Variants in FAM133B observed in about 807,000 individuals in gnomAD.
The protein encoded by FAM133B is protein FAM133B.
Under a neutral mutation model 46.4 loss-of-function variants are expected in FAM133B, and 25 were observed. The observed-to-expected ratio is 0.54, with a 90% CI of 0.39 to 0.75. The LOEUF is 0.75. Among genes scored for constraint, FAM133B ranks in the 30% least tolerant of loss-of-function variants. The pLI is 0.00. For synonymous variants in FAM133B, 75 were observed against 86.0 expected, an observed-to-expected ratio of 0.87 and a Z score of 0.71; for missense variants, 205 against 277.6, an observed-to-expected ratio of 0.74 and a Z score of 1.86.
At position 92,565,324 on chromosome 7, in the gene FAM133B, A is replaced by AT. The variant is rs1361599092; in HGVS notation, c.657+689dup. On this transcript the variant is annotated intron_variant, in intron 10 of 10. Coordinates refer to ENST00000445716, the MANE Select transcript of FAM133B (RefSeq NM_152789.4). ...GCCACCACGCCCGGCTAATTTTTGT[A>AT]TTTTTTTTTTTAGTAGAGACGGGGT... Among the ~76,000 whole-genome samples the AT allele has an allele frequency of 1.5e-3, 195 of 127,720 alleles. 2 individuals carry two copies. The highest frequency in any genetic ancestry group is 3.7e-3 in the African/African-American group (128 of 34,258). 83.8% of individuals were successfully genotyped at this position (127,720 alleles called of 152,430 possible).
intron 1 of FAM133B, among the ~76,000 whole-genome samples, chr7:92,582,641 C>T (rs1173715553): frequency 6.6e-6 from 1 of 151,562 alleles, no homozygotes; most frequent in African/African-American, 2.4e-5. Flanking sequence ...AACTTAACAA[C>T]AACAAAAAAA....
Position 92,562,008 on chromosome 7 carries a change from T to C in FAM133B, c.*274A>G. 4.0e-6 allele frequency: 1 copy of C among 249,506 alleles called. No homozygotes were observed. Among genetic ancestry groups the C allele is most frequent in the South Asian group, 8.0e-5 (1 of 12,444 alleles). 15.5% of individuals were successfully genotyped at this position (249,506 alleles called of 1,614,324 possible). ...AGACGCTTCTAGTCAAAAGTATTAA[T>C]TTTATTCCCAAATATCTTAACCACT... On this transcript the variant is annotated 3_prime_UTR_variant, in exon 11 of 11. Transcript: ENST00000445716.
intron 2 of FAM133B, among the ~76,000 whole-genome samples, chr7:92,581,095 ATCAG>A (rs1275035018): frequency 6.6e-6 from 1 of 152,262 alleles, no homozygotes; most frequent in East Asian, 1.9e-4. Flanking sequence ...ATTTACAAAA[ATCAG>A]TCAGTTTTTC....
At position 92,579,498 on chromosome 7, in the gene FAM133B, T is replaced by C. The variant is rs1039677832; in HGVS notation, c.123-103A>G. ...TCATAAACTCTTCTAAATATTCTAA[T>C]AGACTTCTATTCAATGTTGGTAACA... is the stretch of plus-strand genomic sequence containing the variant. On this transcript the variant is annotated intron_variant, in intron 2 of 10. Coordinates refer to ENST00000445716, the MANE Select transcript of FAM133B (RefSeq NM_152789.4). 2.0e-5 allele frequency: 15 copies of C among 735,098 alleles called. No homozygotes were observed. The East Asian group carries it at 2.3e-4, about 11-fold the overall frequency. The allele number at this position is 735,098 out of a possible 1,614,324, so 45.5% of individuals were successfully genotyped here.
intron 1 of FAM133B, among the ~76,000 whole-genome samples, chr7:92,583,832 T>C (rs1344269524): frequency 1.3e-5 from 2 of 151,826 alleles, no homozygotes; most frequent in Non-Finnish European, 2.9e-5. Context: ...GTGGATCACC[T>C]GAAGTCAGGA....
chr7:92,577,234 C>CA, intron 6 of FAM133B, 39 bp from the exon 7 acceptor site: 1 of 1,326,926 alleles, frequency 7.5e-7, no homozygotes, highest in African/African-American at 1.5e-5. Context: ...CTTTCTGTCT[C>CA]AAAAATCTAA....
rs1795056337 is a variant in FAM133B at position 92,587,083 on chromosome 7, G to A, written c.24+3185C>T. Among the ~76,000 whole-genome samples the A allele has an allele frequency of 3.3e-5, 5 of 151,650 alleles. No individual in the cohort carries two copies. In the Admixed American group the frequency reaches 3.3e-4, roughly 10 times the overall value. On this transcript the variant is annotated intron_variant, in intron 1 of 10. Coordinates refer to ENST00000445716, the MANE Select transcript of FAM133B (RefSeq NM_152789.4). ...AATGGTAGAGCTGCACAAGTGTGGA[G>A]GTATATGGGAACCCTCTGTACTTTC...
chr7:92,564,251 G>C (rs905063216), intron 10 of FAM133B, among the ~76,000 whole-genome samples: 4 of 152,100 alleles, frequency 2.6e-5, no homozygotes, highest in Non-Finnish European at 5.9e-5. Flanking sequence ...GCTCTTTCTT[G>C]TAAATCAGAT....
intron 1 of FAM133B, chr7:92,585,382 T>C: frequency 1.0e-6 from 1 of 984,912 alleles, no homozygotes; most frequent in Non-Finnish European, 1.2e-6. Context: ...TATCATGTCA[T>C]AATTTTGGCA....
In FAM133B at chr7:92,570,572, A is replaced by C. The variant is rs113638003; in HGVS notation, c.517-657T>G. On this transcript the variant is annotated intron_variant, in intron 8 of 10. Transcript: ENST00000445716. ...CTGCATAGTGGATATGCTGGTTATC[A>C]TTTTATTATTTTTCATGGAACTGTT... Among the ~76,000 whole-genome samples the C allele has an allele frequency of 6.5e-3, 985 of 152,264 alleles. 8 individuals are homozygous for C. The highest frequency in any genetic ancestry group is 0.048 in the Middle Eastern group (14 of 294).
At chr7:92,566,086 G>C in intron 9 of FAM133B, 25 bp from the exon 10 acceptor site, 1 of 1,610,816 alleles carries the variant, frequency 6.2e-7, no homozygotes, top group Non-Finnish European at 8.5e-7. Context: ...TTTTTGTGGA[G>C]AACAGAAGAC....
At chr7:92,578,765 G>T (rs1265598541) in intron 3 of FAM133B, among the ~76,000 whole-genome samples, 2 of 152,160 alleles carry the variant, frequency 1.3e-5, no homozygotes, top group African/African-American at 2.4e-5. Context: ...AAGCAAACAG[G>T]CTGGGTATAA....
At chr7:92,572,140 GTTGT>G (rs1277550994) in intron 8 of FAM133B, among the ~76,000 whole-genome samples, 6 of 152,264 alleles carry the variant, frequency 3.9e-5, no homozygotes, top group Middle Eastern at 3.4e-3. Flanking sequence ...ACCAGAAAAT[GTTGT>G]TTCTTTCCAA....
intron 9 of FAM133B, among the ~76,000 whole-genome samples, chr7:92,566,485 AAG>A (rs1415308737): frequency 6.6e-6 from 1 of 151,928 alleles, no homozygotes; most frequent in Non-Finnish European, 1.5e-5. Flanking sequence ...AAAAAAGAAA[AAG>A]AAAAAATAGC....
intron 10 of FAM133B, among the ~76,000 whole-genome samples, chr7:92,563,625 T>C (rs956550678): frequency 5.9e-5 from 9 of 152,202 alleles, no homozygotes; most frequent in Admixed American, 3.3e-4. Flanking sequence ...GTCCTACTCT[T>C]TGACCTCAGG....
chr7:92,581,794 TTGTG>T (rs10578440), intron 1 of FAM133B, 191 bp from the exon 2 acceptor site: 71,355 of 312,484 alleles, frequency 0.23, 5,786 homozygotes, highest in African/African-American at 0.4. Flanking sequence ...TGGGAGAAAA[TTGTG>T]TGTGTGTGTG....
intron 1 of FAM133B, among the ~76,000 whole-genome samples, chr7:92,586,492 C>T (rs769028023): frequency 1.3e-5 from 2 of 152,140 alleles, no homozygotes; most frequent in African/African-American, 4.8e-5. Context: ...TAAGCATTCA[C>T]TAAAATATAG....
intron 8 of FAM133B, among the ~76,000 whole-genome samples, chr7:92,575,544 C>G (rs1794667728): frequency 6.6e-6 from 1 of 152,144 alleles, no homozygotes; most frequent in East Asian, 1.9e-4. Flanking sequence ...TATTTTTAAT[C>G]TGAGATAATC....
chr7:92,584,047 C>CAAAAAAAA (rs765172200), intron 1 of FAM133B, among the ~76,000 whole-genome samples: 3 of 36,812 alleles, frequency 8.1e-5, no homozygotes, highest in African/African-American at 2.8e-4. Context: ...AAGACTGTCT[C>CAAAAAAAA]AAAAAAAAAA....
Sources: gnomAD v4.1 joint callset for allele counts (sites outside exome capture counted in the v4.1 genomes callset) on GRCh38, gnomAD v4.1.1 for gene constraint, MANE v1.5 for transcripts, NCBI Gene and HGNC (gene_info 2026-07-23, HGNC 2026-07-21) for gene names.